The following GNA12 variants were observed in gnomAD, a reference collection of about 807,000 sequenced individuals.
The protein encoded by GNA12 is guanine nucleotide-binding protein subunit alpha-12.
Under a neutral mutation model 26.0 loss-of-function variants are expected in GNA12, and 9 were observed. That is an observed-to-expected ratio of 0.35 (90% CI 0.21 to 0.60). GNA12 has a LOEUF of 0.60. Ranked by LOEUF, GNA12 falls within the 20% of genes least tolerant of loss-of-function variation. The pLI, the probability that GNA12 is intolerant of heterozygous loss-of-function variation, is 0.78. For synonymous variants in GNA12, 264 were observed against 219.6 expected (o/e 1.20, Z -1.79); for missense variants, 405 against 525.8 (o/e 0.77, Z 2.25).
rs113389409 is a variant in GNA12 at position 2,806,216 on chromosome 7, C to T, written c.310-11073G>A. On this transcript the variant is annotated intron_variant, in intron 1 of 3. Transcript: ENST00000275364. ...TGTCTTGGTCGGGGGCGGTGGCTCA[C>T]GCCTGTAATCCCAGCACTTTGGGAA... Among the ~76,000 whole-genome samples, 1,029 of 152,182 alleles carry T rather than the reference C, an allele frequency of 6.8e-3. 12 individuals carry two copies. Among genetic ancestry groups the T allele is most frequent in the African/African-American group, 0.023 (972 of 41,542 alleles).
chr7:2,735,460 C>T (rs1217346263), intron 2 of GNA12, among the ~76,000 whole-genome samples: 9 of 150,362 alleles, frequency 6.0e-5, no homozygotes, highest in African/African-American at 2.2e-4. Context: ...CCTGGACACA[C>T]GTGCTCCGCC....
intron 1 of GNA12, among the ~76,000 whole-genome samples, chr7:2,821,224 G>A (rs1398993042): frequency 6.6e-6 from 1 of 152,212 alleles, no homozygotes; most frequent in South Asian, 2.1e-4. Flanking sequence ...CTGAGAAACA[G>A]AATCATTCCA....
At position 2,786,451 on chromosome 7, in the gene GNA12, T is replaced by C. The variant is rs1562427475; in HGVS notation, c.525+8477A>G. 5.9e-5 allele frequency among the ~76,000 whole-genome samples: 9 copies of C among 152,100 alleles called. No homozygotes were observed. The East Asian group carries it at 1.4e-3, about 23-fold the overall frequency. On this transcript the variant is annotated intron_variant, in intron 2 of 3. Coordinates refer to ENST00000275364, the MANE Select transcript of GNA12 (RefSeq NM_007353.3). ...AATAGCCAACTAAGAAGAGAATAAA[T>C]GTAAATGGCCAATAAACATATGAAA...
intron 1 of GNA12, among the ~76,000 whole-genome samples, chr7:2,808,739 A>ATTGGCTGCT: frequency 1.3e-5 from 2 of 152,224 alleles, no homozygotes; most frequent in South Asian, 2.1e-4. Flanking sequence ...AAGTCTTCTA[A>ATTGGCTGCT]TTGGCTGCTT....
intron 2 of GNA12, among the ~76,000 whole-genome samples, chr7:2,740,649 A>G (rs1790452115): frequency 6.6e-6 from 1 of 152,252 alleles, no homozygotes; most frequent in African/African-American, 2.4e-5. Flanking sequence ...TGTAAACAAC[A>G]TGTTAATACT....
intron 2 of GNA12, among the ~76,000 whole-genome samples, chr7:2,735,098 C>T (rs573065408): frequency 7.8e-6 from 1 of 127,552 alleles, no homozygotes; most frequent in South Asian, 2.4e-4. Flanking sequence ...CTGGGAGAAG[C>T]CGTTGGGTGC....
chr7:2,743,206 G>A lies in GNA12; in HGVS notation c.526-9705C>T, dbSNP rs76189285. Among the ~76,000 whole-genome samples, 137 of 152,304 alleles carry A rather than the reference G, an allele frequency of 9.0e-4. 3 individuals carry two copies. The East Asian group carries it at 0.023, about 25-fold the overall frequency. On this transcript the variant is annotated intron_variant, in intron 2 of 3. Transcript: ENST00000275364. ...TATATATGGGGGCAAACTGAAAGGG[G>A]TCTCTGCTGTGATCTAAGCAACCAC...
intron 2 of GNA12, among the ~76,000 whole-genome samples, chr7:2,736,661 C>T (rs1041565244): frequency 5.9e-5 from 9 of 152,344 alleles, no homozygotes; most frequent in East Asian, 1.9e-4. Flanking sequence ...ATGAGGAGAC[C>T]GCCTTTCTGC....
chr7:2,829,676 C>T (rs1189237558), intron 1 of GNA12, among the ~76,000 whole-genome samples: 1 of 152,130 alleles, frequency 6.6e-6, no homozygotes, highest in African/African-American at 2.4e-5. Context: ...CTCTTCTTAC[C>T]CTGTTTTTCA....
intron 1 of GNA12, among the ~76,000 whole-genome samples, chr7:2,824,140 C>A (rs1482280090): frequency 6.6e-6 from 1 of 152,236 alleles, no homozygotes; most frequent in Non-Finnish European, 1.5e-5. Flanking sequence ...CATCTCCACT[C>A]CTAACACGCT....
chr7:2,776,674 A>G (rs190834317), intron 2 of GNA12, among the ~76,000 whole-genome samples: 255 of 152,306 alleles, frequency 1.7e-3, no homozygotes, highest in African/African-American at 6.0e-3. Context: ...CCTTCCTTGC[A>G]TCACCTCAGC....
At chr7:2,734,148 C>T (rs937713281) in intron 2 of GNA12, among the ~76,000 whole-genome samples, 6 of 152,138 alleles carry the variant, frequency 3.9e-5, no homozygotes, top group African/African-American at 7.2e-5. Context: ...TTCCATAGTG[C>T]GAAGGGCCCT....
intron 1 of GNA12, among the ~76,000 whole-genome samples, chr7:2,795,810 AAAC>A (rs1415520599): frequency 2.2e-5 from 3 of 135,802 alleles, no homozygotes; most frequent in Non-Finnish European, 3.2e-5. Flanking sequence ...ATCAGTAAAA[AAAC>A]AACTTTTTTT....
At chr7:2,741,024 G>A (rs139869187) in intron 2 of GNA12, among the ~76,000 whole-genome samples, 3,007 of 151,594 alleles carry the variant, frequency 0.02, 116 homozygotes, top group African/African-American at 0.069. Flanking sequence ...CTGCCTGGGC[G>A]ACAGAGCGAG....
intron 1 of GNA12, among the ~76,000 whole-genome samples, chr7:2,813,243 C>G (rs779592907): frequency 6.6e-6 from 1 of 152,214 alleles, no homozygotes; most frequent in African/African-American, 2.4e-5. Context: ...TATTTTCAAG[C>G]TCTAAGATGA....
intron 2 of GNA12, chr7:2,760,435 C>T (rs17132655): frequency 0.025 from 3,743 of 152,538 alleles, 112 homozygotes; most frequent in Middle Eastern, 0.075. Context: ...TGGTCTTTCC[C>T]GGACGCTGTG....
At chr7:2,820,013 G>A (rs554235551) in intron 1 of GNA12, among the ~76,000 whole-genome samples, 8 of 152,322 alleles carry the variant, frequency 5.3e-5, no homozygotes, top group South Asian at 2.1e-4. Flanking sequence ...AAAACGGGGC[G>A]TAGCAAAAGG....
chr7:2,734,831 C>T (rs909271359), intron 2 of GNA12, among the ~76,000 whole-genome samples: 2 of 152,122 alleles, frequency 1.3e-5, no homozygotes, highest in African/African-American at 4.8e-5. Flanking sequence ...ACGTGCACCT[C>T]GTGACCACCG....
intron 2 of GNA12, among the ~76,000 whole-genome samples, chr7:2,751,409 A>AC (rs1791032152): frequency 1.3e-5 from 2 of 151,992 alleles, no homozygotes; most frequent in Admixed American, 1.3e-4. Context: ...GAAAAAAAAA[A>AC]AAAACAGCTT....
Sources: allele counts gnomAD v4.1 joint callset (sites outside exome capture counted in the v4.1 genomes callset), GRCh38; gene constraint gnomAD v4.1.1; transcripts MANE v1.5; gene names NCBI Gene and HGNC (gene_info 2026-07-23, HGNC 2026-07-21).